OR3A2: variants seen among roughly 807,000 people sequenced by gnomAD.
The protein encoded by OR3A2 is olfactory receptor family 3 subfamily A member 2.
For synonymous variants in OR3A2, 126 were observed against 159.3 expected (o/e 0.79, Z 1.57); for missense variants, 318 against 392.8 (o/e 0.81, Z 1.61).
At chr17:3,324,073 C>G (rs2049149882) in intron 3 of OR3A2, among the ~76,000 whole-genome samples, 1 of 151,974 alleles carries the variant, frequency 6.6e-6, no homozygotes, top group South Asian at 2.1e-4. Flanking sequence ...GTTCTTTTTT[C>G]TCTAAACTTC....
At chr17:3,344,155 T>C (rs995263092) in intron 2 of OR3A2, among the ~76,000 whole-genome samples, 2 of 152,182 alleles carry the variant, frequency 1.3e-5, no homozygotes, top group East Asian at 1.9e-4. Context: ...AGGTGGCATG[T>C]TACAAAAATG....
At chr17:3,371,649 A>T (rs1384855841) in intron 2 of OR3A2, among the ~76,000 whole-genome samples, 1 of 119,906 alleles carries the variant, frequency 8.3e-6, no homozygotes, top group African/African-American at 3.2e-5. Flanking sequence ...GAGGCCGGGC[A>T]GAGGCGCCCC....
At chr17:3,333,077 G>A (rs928373842) in intron 3 of OR3A2, among the ~76,000 whole-genome samples, 3 of 152,146 alleles carry the variant, frequency 2.0e-5, no homozygotes, top group Non-Finnish European at 4.4e-5. Context: ...GTGCAAGTAG[G>A]AGAGATATTG....
intron 3 of OR3A2, among the ~76,000 whole-genome samples, chr17:3,313,837 G>C (rs1229104078): frequency 6.6e-6 from 1 of 152,218 alleles, no homozygotes; most frequent in East Asian, 1.9e-4. Context: ...ACACACAACA[G>C]AGTGCTGAGT....
rs201523395 is a variant in OR3A2 at position 3,323,328 on chromosome 17, CTT to C, written c.-85+12703_-85+12704del. 8.9e-3 allele frequency among the ~76,000 whole-genome samples: 1,356 copies of C among 152,224 alleles called. 23 individuals are homozygous for C. Among genetic ancestry groups the C allele is most frequent in the African/African-American group, 0.031 (1,291 of 41,514 alleles). On this transcript the variant is annotated intron_variant, in intron 3 of 4. Coordinates refer to the OR3A2 transcript ENST00000573491. ...CTTTATCCAATTTGCCAGTCTGTGT[CTT>C]TTAATTGGAGCATTTAGTCTATTTA...
intron 2 of OR3A2, among the ~76,000 whole-genome samples, chr17:3,357,010 C>A (rs1023029626): frequency 6.6e-6 from 1 of 151,650 alleles, no homozygotes; most frequent in Admixed American, 6.6e-5. Context: ...TTCCACAATA[C>A]CAAAGTGAAA....
intron 3 of OR3A2, chr17:3,291,941 C>CA: frequency 6.2e-7 from 1 of 1,614,208 alleles, no homozygotes; most frequent in Non-Finnish European, 8.5e-7. Flanking sequence ...CAATGAGAGC[C>CA]ATGGGGGTAC....
intron 2 of OR3A2, among the ~76,000 whole-genome samples, chr17:3,336,670 C>G (rs1383312274): frequency 1.3e-5 from 2 of 151,990 alleles, no homozygotes; most frequent in African/African-American, 4.8e-5. Flanking sequence ...AAGATGTATC[C>G]AAATCTTACA....
At chr17:3,280,335 G>A (rs1009561734) in intron 1 of OR3A2, among the ~76,000 whole-genome samples, 5 of 151,090 alleles carry the variant, frequency 3.3e-5, no homozygotes, top group African/African-American at 4.9e-5. Flanking sequence ...GCAGTGGCGC[G>A]ATCTCGGCTC....
intron 2 of OR3A2, among the ~76,000 whole-genome samples, chr17:3,364,667 T>C (rs1332958282): frequency 1.3e-5 from 2 of 152,182 alleles, no homozygotes; most frequent in African/African-American, 4.8e-5. Context: ...GGTAGAAATA[T>C]AAACCAGTAC....
chr17:3,310,306 C>G (rs530599543), intron 3 of OR3A2: 3 of 530,188 alleles, frequency 5.7e-6, no homozygotes, highest in South Asian at 4.3e-5. Context: ...TAGTGGAAGA[C>G]AGCCATGGAT....
intron 2 of OR3A2, among the ~76,000 whole-genome samples, chr17:3,354,434 C>A (rs1033807867): frequency 6.0e-5 from 9 of 150,768 alleles, no homozygotes; most frequent in Admixed American, 5.3e-4. Context: ...TTATAGGAGA[C>A]CTTTTATTAT....
intron 2 of OR3A2, among the ~76,000 whole-genome samples, chr17:3,367,299 G>C (rs2049572430): frequency 6.6e-6 from 1 of 151,972 alleles, no homozygotes; most frequent in African/African-American, 2.4e-5. Flanking sequence ...GCGACATTTT[G>C]GTCCACCCAT....
intron 3 of OR3A2, among the ~76,000 whole-genome samples, chr17:3,299,868 A>G (rs997236861): frequency 6.6e-6 from 1 of 152,238 alleles, no homozygotes; most frequent in Non-Finnish European, 1.5e-5. Flanking sequence ...ATAAAATAAT[A>G]GTTAAAGCAC....
intron 3 of OR3A2, among the ~76,000 whole-genome samples, chr17:3,309,220 C>A (rs2150629852): frequency 6.6e-6 from 1 of 152,188 alleles, no homozygotes; most frequent in African/African-American, 2.4e-5. Context: ...ATTTTATTAG[C>A]AGTGATTAGG....
chr17:3,292,128 C>A (rs1239183888), intron 3 of OR3A2: 1 of 1,614,140 alleles, frequency 6.2e-7, no homozygotes, highest in Non-Finnish European at 8.5e-7. Flanking sequence ...AGCACAAGCC[C>A]AGGACGCAGC....
At chr17:3,333,467 C>G (rs578065288) in intron 3 of OR3A2, among the ~76,000 whole-genome samples, 3 of 152,206 alleles carry the variant, frequency 2.0e-5, no homozygotes, top group Admixed American at 6.5e-5. Flanking sequence ...TCTTTGTGAC[C>G]TACTCCCTGT....
At chr17:3,380,452 T>C (rs1355868925) in intron 2 of OR3A2, among the ~76,000 whole-genome samples, 4 of 152,168 alleles carry the variant, frequency 2.6e-5, no homozygotes, top group African/African-American at 9.7e-5. Context: ...GGTGGAATGA[T>C]ATCTAGGAAT....
At chr17:3,319,535 C>A (rs974312411) in intron 3 of OR3A2, among the ~76,000 whole-genome samples, 10 of 152,022 alleles carry the variant, frequency 6.6e-5, no homozygotes, top group Non-Finnish European at 7.4e-5. Context: ...CATCCCACCA[C>A]CCCACAACAG....
Sources: gnomAD v4.1 joint callset for allele counts (sites outside exome capture counted in the v4.1 genomes callset) on GRCh38, gnomAD v4.1.1 for gene constraint, MANE v1.5 for transcripts, NCBI Gene and HGNC (gene_info 2026-07-23, HGNC 2026-07-21) for gene names.